The following CABP1 variants were observed in gnomAD, a reference collection of about 807,000 sequenced individuals.
CABP1 encodes calcium-binding protein 1.
Under a neutral mutation model 34.3 loss-of-function variants are expected in CABP1, and 17 were observed. The ratio of observed to expected loss-of-function variants is 0.50; its 90% CI spans 0.34 to 0.74. The LOEUF (loss-of-function observed/expected upper bound fraction) is 0.74. Ranked by LOEUF, CABP1 falls within the 30% of genes least tolerant of loss-of-function variation. The probability of loss-of-function intolerance (pLI) is 0.01; values close to 1 mark genes in which losing one functional copy is unlikely to be tolerated. For synonymous variants in CABP1, 198 were observed against 229.2 expected, an observed-to-expected ratio of 0.86 and a Z score of 1.23; for missense variants, 373 against 511.1, an observed-to-expected ratio of 0.73 and a Z score of 2.61.
At chr12:120,673,440 C>T in the CABP1 span, among the ~76,000 whole-genome samples, 3 of 151,922 alleles carry the variant, frequency 2.0e-5, no homozygotes, top group Non-Finnish European at 2.9e-5. Flanking sequence ...AAAAATTAGC[C>T]GGGCATGGTG....
At chr12:120,667,470 A>G (rs954700723), downstream of CABP1, 2 of 159,282 alleles carry the variant, frequency 1.3e-5, no homozygotes, top group African/African-American at 4.8e-5. Flanking sequence ...AAGAAGTCAA[A>G]TGAGGGTTCT....
Position 120,667,174 on chromosome 12 carries a change from C to A in CABP1, c.*274C>A. On this transcript the variant is annotated 3_prime_UTR_variant, in exon 6 of 6. Transcript: ENST00000316803. ...CAGGCGCCAAGGGCCATGTGCCCAGCTGCTGCTGGCTGGGTGGGCCAGGGA... is the reference window on the plus strand; with the variant it reads ...CAGGCGCCAAGGGCCATGTGCCCAGATGCTGCTGGCTGGGTGGGCCAGGGA... 7.2e-6 allele frequency: 4 copies of A among 558,438 alleles called. No individual in the cohort carries two copies. The highest frequency in any genetic ancestry group is 9.6e-6 in the Non-Finnish European group (3 of 311,128). 34.6% of individuals were successfully genotyped at this position (558,438 alleles called of 1,614,324 possible).
chr12:120,650,876 G>A (rs942757677), intron 1 of CABP1, among the ~76,000 whole-genome samples: 3 of 134,048 alleles, frequency 2.2e-5, no homozygotes, highest in East Asian at 2.3e-4. Flanking sequence ...TGGGCATGGC[G>A]GTCGGGGTGA....
At chr12:120,646,933 A>G (rs150965571) in intron 1 of CABP1, among the ~76,000 whole-genome samples, 1,545 of 152,308 alleles carry the variant, frequency 0.01, 27 homozygotes, top group African/African-American at 0.036. Flanking sequence ...ATCCCTTGCT[A>G]TCCTCAAACC....
At chr12:120,642,473 T>C (rs1326947008) in intron 1 of CABP1, among the ~76,000 whole-genome samples, 1 of 152,190 alleles carries the variant, frequency 6.6e-6, no homozygotes, top group African/African-American at 2.4e-5. Flanking sequence ...AGGTCTGACA[T>C]GAAGGCAGCC....
downstream of CABP1, among the ~76,000 whole-genome samples, chr12:120,671,579 G>A (rs555366634): frequency 2.6e-5 from 4 of 152,262 alleles, no homozygotes; most frequent in South Asian, 4.1e-4. Flanking sequence ...GGAGTGTGGA[G>A]AGGCTCAGAT....
chr12:120,662,324 A>G (rs1880700677), intron 5 of CABP1: 1 of 152,228 alleles, frequency 6.6e-6, no homozygotes, highest in African/African-American at 2.4e-5. Context: ...TCTTGAATAC[A>G]CTGATCTTTT....
At position 120,660,848 on chromosome 12, in the gene CABP1, A is replaced by G. The variant is rs779594033; in HGVS notation, c.939+8A>G. 1.3e-6 allele frequency: 2 copies of G among 1,596,828 alleles called. No homozygotes were observed. The highest frequency in any genetic ancestry group is 1.3e-5 in the African/African-American group (1 of 74,674). On this transcript the variant is annotated splice_region_variant and intron_variant, in intron 4 of 5. Transcript: ENST00000316803. The surrounding 1 kb of genome is among the most constrained non-coding windows in gnomAD (Gnocchi z 5.0). ...CGAGATGCTTTCCGAGAGGTAACGG[A>G]CAGAGGCAGGCAGGCATGGGGCGGC...
At position 120,660,960 on chromosome 12, in the gene CABP1, A is replaced by G; in HGVS notation, c.940-111A>G. 7.1e-7 allele frequency: 1 copy of G among 1,413,740 alleles called. No individual in the cohort carries two copies. The highest frequency in any genetic ancestry group is 9.8e-7 in the Non-Finnish European group (1 of 1,016,876). The allele number at this position is 1,413,740 out of a possible 1,614,324, so 87.6% of individuals were successfully genotyped here. A position where few individuals can be genotyped will look rare whatever the true frequency, so the allele number is the denominator to read the frequency against. On this transcript the variant is annotated intron_variant, in intron 4 of 5. Transcript: ENST00000316803. This position sits in a 1 kb window ranked among gnomAD's most constrained non-coding sequence, Gnocchi z 5.0. ...CAGGGGAGGGAGCTTGGACAGAGAAAGGTCTCTGGTAAAGGGGGGCAATGA... is the reference window on the plus strand; with the variant it reads ...CAGGGGAGGGAGCTTGGACAGAGAAGGGTCTCTGGTAAAGGGGGGCAATGA...
Position 120,660,104 on chromosome 12 carries a change from T to C in CABP1, c.686-92T>C. On this transcript the variant is annotated intron_variant, in intron 2 of 5. Coordinates refer to ENST00000316803, the MANE Select transcript of CABP1 (RefSeq NM_001033677.2). The surrounding 1 kb of genome is among the most constrained non-coding windows in gnomAD (Gnocchi z 5.0). ...ATCCTGGGAAGCTCCTGGGCCTCTC[T>C]TTCCATGCCGGTGGGCCTTTGGGCT... 6.5e-7 allele frequency: 1 copy of C among 1,529,086 alleles called. No individual in the cohort carries two copies. Among genetic ancestry groups the C allele is most frequent in the Non-Finnish European group, 8.9e-7 (1 of 1,120,776 alleles). 94.7% of individuals were successfully genotyped at this position (1,529,086 alleles called of 1,614,324 possible). A position where few individuals can be genotyped will look rare whatever the true frequency, so the allele number is the denominator to read the frequency against.
At position 120,667,036 on chromosome 12, in the gene CABP1, C is replaced by G; in HGVS notation, c.*136C>G. On this transcript the variant is annotated 3_prime_UTR_variant, in exon 6 of 6. Coordinates refer to ENST00000316803, the MANE Select transcript of CABP1 (RefSeq NM_001033677.2). ...GGGGCCTGCCTGCACCCCGGGGAGGCGCCCACCCCGGACCCCCACCCCTCC... is the reference window on the plus strand; with the variant it reads ...GGGGCCTGCCTGCACCCCGGGGAGGGGCCCACCCCGGACCCCCACCCCTCC... 2 of 1,050,246 alleles carry G rather than the reference C, an allele frequency of 1.9e-6. No homozygotes were observed. The highest frequency in any genetic ancestry group is 2.8e-6 in the Non-Finnish European group (2 of 713,068). The allele number at this position is 1,050,246 out of a possible 1,614,324, so 65.1% of individuals were successfully genotyped here. A position where few individuals can be genotyped will look rare whatever the true frequency, so the allele number is the denominator to read the frequency against.
chr12:120,658,592 G>A (rs573165433), intron 1 of CABP1, among the ~76,000 whole-genome samples: 1 of 152,316 alleles, frequency 6.6e-6, no homozygotes, highest in East Asian at 1.9e-4. Context: ...GTTGTCCCAT[G>A]AGATGTGACT....
chr12:120,646,751 G>C (rs11065181), intron 1 of CABP1, among the ~76,000 whole-genome samples: 3,597 of 152,184 alleles, frequency 0.024, 148 homozygotes, highest in African/African-American at 0.082. Context: ...GGCCTCAACT[G>C]ATCCTCCCAC....
intron 1 of CABP1, among the ~76,000 whole-genome samples, chr12:120,649,261 C>T (rs1002871484): frequency 6.6e-6 from 1 of 152,200 alleles, no homozygotes; most frequent in Admixed American, 6.5e-5. Flanking sequence ...CTGAGCAGCC[C>T]CCCCACACGG....
At chr12:120,658,543 A>G (rs962341745) in intron 1 of CABP1, among the ~76,000 whole-genome samples, 2 of 152,194 alleles carry the variant, frequency 1.3e-5, no homozygotes, top group African/African-American at 2.4e-5. Context: ...CTGTCCTGCC[A>G]CACAGAGCTA....
At chr12:120,675,768 G>A in the CABP1 span, among the ~76,000 whole-genome samples, 1 of 152,110 alleles carries the variant, frequency 6.6e-6, no homozygotes, top group African/African-American at 2.4e-5. Flanking sequence ...GTGTCTAGTA[G>A]GCACTTAGCA....
the CABP1 span, among the ~76,000 whole-genome samples, chr12:120,676,668 C>A: frequency 3.3e-5 from 5 of 152,178 alleles, no homozygotes; most frequent in African/African-American, 1.2e-4. Flanking sequence ...TTCAGGTGAT[C>A]CGCCTGCCTC....
At chr12:120,658,632 C>T (rs1880412151) in intron 1 of CABP1, among the ~76,000 whole-genome samples, 1 of 152,198 alleles carries the variant, frequency 6.6e-6, no homozygotes, top group Non-Finnish European at 1.5e-5. Flanking sequence ...AGATGATCTG[C>T]AGATTTTCTG....
intron 1 of CABP1, among the ~76,000 whole-genome samples, chr12:120,652,580 A>G (rs530349664): frequency 3.1e-4 from 47 of 152,068 alleles, no homozygotes; most frequent in Non-Finnish European, 6.3e-4. Flanking sequence ...TTTTTCCTCT[A>G]CGAGAGGCTG....
Sources: gnomAD v4.1 joint callset for allele counts (sites outside exome capture counted in the v4.1 genomes callset) on GRCh38, gnomAD v4.1.1 for gene constraint, Gnocchi (gnomAD v3.1) non-coding constraint, MANE v1.5 for transcripts, NCBI Gene and HGNC (gene_info 2026-07-23, HGNC 2026-07-21) for gene names.